DNAH14: variants seen among roughly 807,000 people sequenced by gnomAD.
DNAH14 encodes the protein dynein axonemal heavy chain 14.
In DNAH14, 478 loss-of-function variants were observed where a neutral mutation model predicts 520.9. The ratio of observed to expected loss-of-function variants is 0.92; its 90% CI spans 0.85 to 0.99. The LOEUF is 0.99. DNAH14 is among the 50% of genes least tolerant of loss of function. DNAH14 has a pLI of 0.00. For synonymous variants in DNAH14, 1,581 were observed against 1,757.2 expected, an observed-to-expected ratio of 0.90 and a Z score of 2.51; for missense variants, 4,831 against 5,234.5, an observed-to-expected ratio of 0.92 and a Z score of 2.38.
intron 41 of DNAH14, among the ~76,000 whole-genome samples, chr1:225,214,878 T>A (rs2089058223): frequency 6.6e-6 from 1 of 152,210 alleles, no homozygotes; most frequent in Non-Finnish European, 1.5e-5. Flanking sequence ...TCATTGATTT[T>A]TTGAAGGGTT....
Position 225,324,352 on chromosome 1 carries a change from A to G in DNAH14, c.9626A>G (p.Lys3209Arg). 6.4e-7 allele frequency: 1 copy of G among 1,551,302 alleles called. No individual in the cohort carries two copies. Among genetic ancestry groups the G allele is most frequent in the Non-Finnish European group, 8.7e-7 (1 of 1,146,834 alleles). ...TTGAATAACTACCATGAAGTACAGA[A>G]GGTATGCTTTTCCTCCTAAACATCT... ...IALNNYHEVQ[K>R]VVGPKQIQVA... Residue 3209 changes from lysine to arginine, a missense_variant and splice_region_variant, in exon 63 of 86, where the codon AAG becomes AGG. Transcript: ENST00000682510.
intron 1 of DNAH14, among the ~76,000 whole-genome samples, chr1:224,942,702 T>C (rs1399921905): frequency 6.6e-6 from 1 of 151,560 alleles, no homozygotes; most frequent in Admixed American, 6.6e-5. Context: ...TTATTCAGAG[T>C]TTTTAGCATG....
chr1:225,189,415 T>C (rs551557628), intron 37 of DNAH14, among the ~76,000 whole-genome samples: 732 of 68,296 alleles, frequency 0.011, 13 homozygotes, highest in Non-Finnish European at 9.3e-3. Flanking sequence ...CTTTCTTTTC[T>C]TTTTTTTTTT....
At chr1:225,293,503 A>G (rs754083745) in intron 55 of DNAH14, among the ~76,000 whole-genome samples, 2 of 152,160 alleles carry the variant, frequency 1.3e-5, no homozygotes, top group African/African-American at 2.4e-5. Flanking sequence ...AAAAAAGACC[A>G]TATCCTTTGC....
In DNAH14 at chr1:225,266,623, C is replaced by G. The variant is rs961395824; in HGVS notation, c.7411-18C>G. On this transcript the variant is annotated intron_variant, in intron 48 of 85. Coordinates refer to ENST00000682510, the MANE Select transcript of DNAH14 (RefSeq NM_001367479.1). ...GGTGTACTAATATATATGTTTAAAA[C>G]CTTTTGTCTTTCTTAAGATTCTAAT... 2 of 1,442,794 alleles carry G rather than the reference C, an allele frequency of 1.4e-6. No homozygotes were observed. The highest frequency in any genetic ancestry group is 3.0e-5 in the African/African-American group (2 of 67,124). The allele number at this position is 1,442,794 out of a possible 1,614,324, so 89.4% of individuals were successfully genotyped here. A position where few individuals can be genotyped will look rare whatever the true frequency, so the allele number is the denominator to read the frequency against.
chr1:225,175,585 G>A (rs529290807), intron 36 of DNAH14, among the ~76,000 whole-genome samples: 8 of 150,142 alleles, frequency 5.3e-5, no homozygotes, highest in African/African-American at 2.0e-4. Context: ...TAAACAAGGT[G>A]TTTGTTTTAT....
At chr1:224,985,003 C>T (rs867527197) in intron 8 of DNAH14, among the ~76,000 whole-genome samples, 7 of 152,210 alleles carry the variant, frequency 4.6e-5, no homozygotes, top group African/African-American at 1.2e-4. Flanking sequence ...GGGAACACTT[C>T]GACACTGCTG....
intron 17 of DNAH14, among the ~76,000 whole-genome samples, chr1:225,076,953 C>T (rs2072359791): frequency 6.6e-6 from 1 of 152,042 alleles, no homozygotes; most frequent in Non-Finnish European, 1.5e-5. Flanking sequence ...CAGCCCCCAA[C>T]ACCCAACAGG....
At chr1:225,051,955 T>C (rs1041892169) in intron 17 of DNAH14, among the ~76,000 whole-genome samples, 160 bp downstream of exon 17, 4 of 152,228 alleles carry the variant, frequency 2.6e-5, no homozygotes, top group Non-Finnish European at 4.4e-5. Flanking sequence ...CAGAAAATTT[T>C]AATGTGTATT....
chr1:225,290,631 A>ATGTG (rs71170071), intron 55 of DNAH14, among the ~76,000 whole-genome samples: 1 of 71,704 alleles, frequency 1.4e-5, no homozygotes, highest in Non-Finnish European at 2.4e-5. Flanking sequence ...GTATAGATAT[A>ATGTG]TGTGTGTGTG....
intron 41 of DNAH14, among the ~76,000 whole-genome samples, chr1:225,216,575 G>T (rs370538180): frequency 6.6e-6 from 1 of 152,046 alleles, no homozygotes; most frequent in Non-Finnish European, 1.5e-5. Flanking sequence ...CCCATATTTC[G>T]TGGAGGTTTT....
intron 65 of DNAH14, 79 bp downstream of exon 65, chr1:225,331,656 AG>A: frequency 6.5e-7 from 1 of 1,527,662 alleles, no homozygotes; most frequent in South Asian, 1.2e-5. Context: ...TTTTCACTGC[AG>A]GCTGTATCAT....
At chr1:224,937,574 T>G (rs1208338980) in intron 1 of DNAH14, among the ~76,000 whole-genome samples, 1 of 151,150 alleles carries the variant, frequency 6.6e-6, no homozygotes, top group Non-Finnish European at 1.5e-5. Flanking sequence ...AAATATATAT[T>G]CCATGCTCAT....
chr1:225,339,237 G>A (rs561831044), intron 68 of DNAH14, among the ~76,000 whole-genome samples: 1 of 150,456 alleles, frequency 6.6e-6, no homozygotes, highest in East Asian at 2.0e-4. Context: ...CTTGAACCTG[G>A]GAGGCAGAGG....
intron 57 of DNAH14, 105 bp downstream of exon 57, chr1:225,303,452 A>G (rs1484114349): frequency 1.8e-5 from 17 of 943,636 alleles, no homozygotes; most frequent in Admixed American, 1.5e-4. Context: ...AGGCAGTTCT[A>G]AGCTAATTTA....
In DNAH14 at chr1:225,071,045, C is replaced by T. The variant is rs193248069; in HGVS notation, c.2425-8162C>T. 5.6e-3 allele frequency among the ~76,000 whole-genome samples: 855 copies of T among 152,252 alleles called. 5 individuals are homozygous for T. The highest frequency in any genetic ancestry group is 8.8e-3 in the Non-Finnish European group (600 of 68,022). On this transcript the variant is annotated intron_variant, in intron 17 of 85. Transcript: ENST00000682510. ...TCCATTTGCTTCGTAGATTTTCTTT[C>T]CTCCTTTTATTTTTAGCCTATGTGT...
intron 52 of DNAH14, among the ~76,000 whole-genome samples, chr1:225,273,590 C>G (rs1202330387): frequency 6.6e-6 from 1 of 152,168 alleles, no homozygotes; most frequent in Non-Finnish European, 1.5e-5. Flanking sequence ...TATAGATATG[C>G]TGGAGAGGAT....
chr1:225,360,847 T>C lies in DNAH14; in HGVS notation c.11943T>C (p.His3981=), dbSNP rs770528104. 1 of 1,551,704 alleles carries C rather than the reference T, an allele frequency of 6.4e-7. No individual in the cohort carries two copies. The highest frequency in any genetic ancestry group is 1.2e-5 in the South Asian group (1 of 84,064). Residue 3981 remains histidine, a synonymous_variant, in exon 75 of 86, where the codon CAT becomes CAC. Coordinates refer to ENST00000682510, the MANE Select transcript of DNAH14 (RefSeq NM_001367479.1). ...TQQWVFLQNC[H]LATSFMPRLC... is the part of the protein sequence containing the mutation. ...AATGGGTCTTCCTCCAGAACTGCCA[T>C]CTTGCAACATCATTTATGCCAAGGC...
In DNAH14 at chr1:224,945,929, G is replaced by C. The variant is rs4379650; in HGVS notation, c.-33-6741G>C. On this transcript the variant is annotated intron_variant, in intron 1 of 85. Transcript: ENST00000682510. Reference sequence around the variant, plus strand: ...GGGCTGCCTCCCAGTTAGGCTACTCGGGGGTCAGGGAACTGCTTGAGGAGG... The same window carrying C: ...GGGCTGCCTCCCAGTTAGGCTACTCCGGGGTCAGGGAACTGCTTGAGGAGG... Among the ~76,000 whole-genome samples the C allele has an allele frequency of 5.9e-5, 9 of 152,398 alleles. No individual in the cohort carries two copies. The South Asian group carries it at 1.9e-3, about 32-fold the overall frequency.
Sources: allele counts gnomAD v4.1 joint callset (sites outside exome capture counted in the v4.1 genomes callset), GRCh38; gene constraint gnomAD v4.1.1; transcripts MANE v1.5; gene names NCBI Gene and HGNC (gene_info 2026-07-23, HGNC 2026-07-21).